The following EYA2 variants were observed in gnomAD, a reference collection of about 807,000 sequenced individuals.
EYA2 encodes EYA transcriptional coactivator and phosphatase 2, also known as protein phosphatase EYA2.
Under a neutral mutation model 69.2 loss-of-function variants are expected in EYA2, and 31 were observed. The observed-to-expected ratio is 0.45, with a 90% CI of 0.34 to 0.60. EYA2 has a LOEUF of 0.60. EYA2 is among the 20% of genes least tolerant of loss of function. EYA2 has a pLI of 0.02. For synonymous variants in EYA2, 257 were observed against 279.4 expected (o/e 0.92, Z 0.80); for missense variants, 622 against 701.2 (o/e 0.89, Z 1.28).
chr20:47,141,788 G>C (rs939039491), intron 9 of EYA2, among the ~76,000 whole-genome samples: 1 of 152,160 alleles, frequency 6.6e-6, no homozygotes, highest in African/African-American at 2.4e-5. Flanking sequence ...AAAAACTTCT[G>C]ATCAAAAGTG....
intron 1 of EYA2, among the ~76,000 whole-genome samples, chr20:46,933,353 C>T (rs538522387): frequency 7.6e-4 from 116 of 152,270 alleles, no homozygotes; most frequent in African/African-American, 2.7e-3. Flanking sequence ...GCTAGAGGCC[C>T]TCAGCAGCAG....
rs1312910656 is a variant in EYA2 at position 47,179,795 on chromosome 20, C to T, written c.1199-3C>T. ...ACTACATCTTTATTTCCTTTGTCCACAGGGTTGATAGGCACTCCCAAAAGG... is the reference window on the plus strand; with the variant it reads ...ACTACATCTTTATTTCCTTTGTCCATAGGGTTGATAGGCACTCCCAAAAGG... On this transcript the variant is annotated splice_polypyrimidine_tract_variant and splice_region_variant and intron_variant, in intron 12 of 15. Coordinates refer to ENST00000327619, the MANE Select transcript of EYA2 (RefSeq NM_005244.5). 1 of 1,605,966 alleles carries T rather than the reference C, an allele frequency of 6.2e-7. No individual in the cohort carries two copies. The highest frequency in any genetic ancestry group is 1.3e-5 in the African/African-American group (1 of 74,762).
chr20:47,007,445 G>C (rs1227427953), intron 4 of EYA2, among the ~76,000 whole-genome samples: 1 of 152,172 alleles, frequency 6.6e-6, no homozygotes, highest in Admixed American at 6.5e-5. Context: ...GCAATTCTGA[G>C]AAGACTAATG....
At chr20:47,171,502 A>T (rs754893143) in intron 11 of EYA2, among the ~76,000 whole-genome samples, 17 of 152,120 alleles carry the variant, frequency 1.1e-4, no homozygotes, top group Non-Finnish European at 1.9e-4. Flanking sequence ...GGGATAACTC[A>T]TTGCATATCC....
At chr20:47,034,298 T>A (rs1469744330) in intron 5 of EYA2, among the ~76,000 whole-genome samples, 1 of 152,248 alleles carries the variant, frequency 6.6e-6, no homozygotes, top group Admixed American at 6.5e-5. Flanking sequence ...AAACAGTGAA[T>A]GATTATACGG....
intron 1 of EYA2, among the ~76,000 whole-genome samples, chr20:46,945,114 T>TG (rs896084767): frequency 8.0e-6 from 1 of 125,036 alleles, no homozygotes; most frequent in South Asian, 2.7e-4. Context: ...AGACCTTGTC[T>TG]GGAAAAAAAA....
intron 10 of EYA2, among the ~76,000 whole-genome samples, chr20:47,145,921 A>C (rs1376060913): frequency 6.6e-6 from 1 of 151,860 alleles, no homozygotes; most frequent in Non-Finnish European, 1.5e-5. Flanking sequence ...AAAGTAAAAA[A>C]GAAAAGAAAT....
chr20:46,974,471 G>A (rs1980332395), intron 1 of EYA2, among the ~76,000 whole-genome samples: 1 of 152,166 alleles, frequency 6.6e-6, no homozygotes, highest in Non-Finnish European at 1.5e-5. Flanking sequence ...AAAGGAAGAG[G>A]TAAACAGTGA....
At chr20:46,921,875 G>T (rs1985196198) in intron 1 of EYA2, among the ~76,000 whole-genome samples, 1 of 152,210 alleles carries the variant, frequency 6.6e-6, no homozygotes, top group South Asian at 2.1e-4. Context: ...TTTGAATGGA[G>T]TCTTCTCCCA....
chr20:47,175,855 G>T (rs1568828471), intron 12 of EYA2, among the ~76,000 whole-genome samples: 1 of 152,196 alleles, frequency 6.6e-6, no homozygotes, highest in East Asian at 1.9e-4. Context: ...AGGAAAACCA[G>T]AGGCCGTGTG....
intron 8 of EYA2, among the ~76,000 whole-genome samples, chr20:47,089,607 GA>G (rs2032011815): frequency 6.6e-6 from 1 of 152,234 alleles, no homozygotes; most frequent in Non-Finnish European, 1.5e-5. Flanking sequence ...GGGGGTGGGG[GA>G]TGGTGCTTTT....
chr20:47,094,746 C>G (rs2032194422), intron 8 of EYA2, among the ~76,000 whole-genome samples: 1 of 152,150 alleles, frequency 6.6e-6, no homozygotes, highest in African/African-American at 2.4e-5. Context: ...AAATAAAGAA[C>G]AAGATTAGCC....
At chr20:47,039,921 A>C (rs1190642477) in intron 5 of EYA2, among the ~76,000 whole-genome samples, 1 of 131,918 alleles carries the variant, frequency 7.6e-6, no homozygotes, top group African/African-American at 2.9e-5. Context: ...GCTCACTGCA[A>C]CCTCCGCCTC....
At chr20:47,121,481 G>C (rs1199146666) in intron 9 of EYA2, among the ~76,000 whole-genome samples, 1 of 152,044 alleles carries the variant, frequency 6.6e-6, no homozygotes, top group Non-Finnish European at 1.5e-5. Flanking sequence ...CATTTCATTC[G>C]TTGTCAAATT....
At chr20:47,060,638 A>G (rs570094952) in intron 5 of EYA2, among the ~76,000 whole-genome samples, 1 of 152,318 alleles carries the variant, frequency 6.6e-6, no homozygotes, top group South Asian at 2.1e-4. Flanking sequence ...GCTGCTCCCT[A>G]AATACAGCTT....
At chr20:47,128,444 CCT>C (rs1298167412) in intron 9 of EYA2, among the ~76,000 whole-genome samples, 1 of 152,090 alleles carries the variant, frequency 6.6e-6, no homozygotes, top group African/African-American at 2.4e-5. Context: ...TGCCGTTTCT[CCT>C]CACTTTGGAA....
intron 9 of EYA2, among the ~76,000 whole-genome samples, chr20:47,139,071 A>G (rs1277789204): frequency 6.6e-6 from 1 of 152,202 alleles, no homozygotes; most frequent in Non-Finnish European, 1.5e-5. Flanking sequence ...TTCATTTCCC[A>G]TTGTATGAAT....
At chr20:47,187,949 C>A in intron 15 of EYA2, 104 bp from the exon 16 acceptor site, 1 of 1,256,674 alleles carries the variant, frequency 8.0e-7, no homozygotes, top group Non-Finnish European at 1.1e-6. Flanking sequence ...TCCCCACGTG[C>A]TAGACTTAAC....
intron 1 of EYA2, among the ~76,000 whole-genome samples, chr20:46,943,330 GAGTATTGGCTTCAGCATAGTGCC>G: frequency 6.6e-6 from 1 of 152,146 alleles, no homozygotes; most frequent in Middle Eastern, 3.2e-3. Flanking sequence ...TCCTCACGTA[GAGTATTGGCTTCAGCATAGTGCC>G]AGTAAAAGGA....
Sources: allele counts gnomAD v4.1 joint callset (sites outside exome capture counted in the v4.1 genomes callset), GRCh38; gene constraint gnomAD v4.1.1; transcripts MANE v1.5; gene names NCBI Gene and HGNC (gene_info 2026-07-23, HGNC 2026-07-21).